The following PSD3 variants were observed in gnomAD, a reference collection of about 807,000 sequenced individuals.
PSD3 encodes the protein PH and SEC7 domain-containing protein 3.
A neutral mutation model predicts 105.5 loss-of-function variants in PSD3; 49 were observed. That is an observed-to-expected ratio of 0.46 (90% CI 0.37 to 0.59). The LOEUF (loss-of-function observed/expected upper bound fraction) is 0.59. Among genes scored for constraint, PSD3 ranks in the 20% least tolerant of loss-of-function variants. The probability of loss-of-function intolerance (pLI) is 0.00; values close to 1 mark genes in which losing one functional copy is unlikely to be tolerated. For synonymous variants in PSD3, 557 were observed against 457.8 expected (o/e 1.22, Z -2.77); for missense variants, 1,561 against 1,263.8 (o/e 1.24, Z -3.57).
rs1258342249 is a variant in PSD3, at chr8:18,549,045, T to A, written c.2928+7164A>T. On this transcript the variant is annotated intron_variant, in intron 15 of 15. Coordinates refer to ENST00000327040, the MANE Select transcript of PSD3 (RefSeq NM_015310.4). ...GACACTCACTCATTACACTCCCACT[T>A]TCCCCAGTGGAAGAAATCACAGGTC... Among the ~76,000 whole-genome samples the A allele has an allele frequency of 2.0e-5, 3 of 152,296 alleles. No homozygotes were observed. In the East Asian group the frequency reaches 5.8e-4, roughly 29 times the overall value.
intron 9 of PSD3, among the ~76,000 whole-genome samples, chr8:18,741,262 C>T (rs1015628757): frequency 1.3e-5 from 2 of 152,068 alleles, no homozygotes; most frequent in Non-Finnish European, 1.5e-5. Context: ...TCACAAGATG[C>T]GATGTCATCT....
chr8:18,969,017 T>C (rs892325586), intron 1 of PSD3, among the ~76,000 whole-genome samples: 4 of 152,120 alleles, frequency 2.6e-5, no homozygotes, highest in African/African-American at 7.2e-5. Flanking sequence ...TATTGAGTTA[T>C]TATAACATCA....
At chr8:18,942,774 G>A (rs1454887053) in intron 1 of PSD3, among the ~76,000 whole-genome samples, 1 of 152,188 alleles carries the variant, frequency 6.6e-6, no homozygotes, top group Non-Finnish European at 1.5e-5. Context: ...AGAACTGTAA[G>A]AAAATTAATT....
At chr8:18,999,379 C>G (rs1035752051) in intron 1 of PSD3, among the ~76,000 whole-genome samples, 1 of 151,718 alleles carries the variant, frequency 6.6e-6, no homozygotes, top group Non-Finnish European at 1.5e-5. Context: ...AAATCAGTAC[C>G]TGGCGCTCAG....
chr8:18,975,320 T>TAAAA (rs1563479172), intron 1 of PSD3, among the ~76,000 whole-genome samples: 9 of 121,334 alleles, frequency 7.4e-5, no homozygotes, highest in Admixed American at 8.5e-5. Context: ...TGAAATTTTT[T>TAAAA]TTTTTTTTTT....
chr8:18,952,279 C>T (rs1823288121), intron 1 of PSD3, among the ~76,000 whole-genome samples: 1 of 152,174 alleles, frequency 6.6e-6, no homozygotes, highest in African/African-American at 2.4e-5. Context: ...TCTATCTTTA[C>T]ATCCATAATT....
intron 9 of PSD3, among the ~76,000 whole-genome samples, chr8:18,667,047 T>C (rs1799509352): frequency 6.6e-6 from 1 of 152,146 alleles, no homozygotes; most frequent in Non-Finnish European, 1.5e-5. Context: ...TCTCGCTGGC[T>C]TCAGGAGTGA....
At chr8:18,742,129 T>C (rs1240243757) in intron 9 of PSD3, among the ~76,000 whole-genome samples, 2 of 152,172 alleles carry the variant, frequency 1.3e-5, no homozygotes, top group East Asian at 1.9e-4. Context: ...GAATCACAAG[T>C]CCAAGAGAAC....
At chr8:18,969,045 C>G (rs1824468679) in intron 1 of PSD3, among the ~76,000 whole-genome samples, 1 of 152,074 alleles carries the variant, frequency 6.6e-6, no homozygotes, top group Non-Finnish European at 1.5e-5. Context: ...AAGTATATAG[C>G]CTTCCAAAGT....
At position 18,970,635 on chromosome 8, in the gene PSD3, G is replaced by A. The variant is rs77856643; in HGVS notation, c.22-34493C>T. 1.5e-3 allele frequency among the ~76,000 whole-genome samples: 233 copies of A among 152,068 alleles called. 1 individual carries two copies. The highest frequency in any genetic ancestry group is 2.6e-3 in the Non-Finnish European group (176 of 67,980). ...AGGTGAAAACATTTAGTCTTTCCTAGAATTGTCCTCTGAAAATCAATCAGT... is the reference window on the plus strand; with the variant it reads ...AGGTGAAAACATTTAGTCTTTCCTAAAATTGTCCTCTGAAAATCAATCAGT... On this transcript the variant is annotated intron_variant, in intron 1 of 15. Transcript: ENST00000327040.
intron 1 of PSD3, among the ~76,000 whole-genome samples, chr8:18,952,751 A>G (rs1586511468): frequency 6.6e-6 from 1 of 152,230 alleles, no homozygotes; most frequent in East Asian, 1.9e-4. Flanking sequence ...GCAATTAAAT[A>G]CACTTTATTC....
chr8:18,857,494 T>C (rs1422670990), intron 4 of PSD3, among the ~76,000 whole-genome samples: 1 of 152,178 alleles, frequency 6.6e-6, no homozygotes, highest in East Asian at 1.9e-4. Context: ...AAGCTATCCA[T>C]GTCCAGGTGC....
intron 4 of PSD3, among the ~76,000 whole-genome samples, chr8:18,846,853 G>T (rs369344919): frequency 6.6e-6 from 1 of 151,974 alleles, no homozygotes; most frequent in East Asian, 1.9e-4. Flanking sequence ...AAATTGTTTG[G>T]CTTGGCCCAA....
intron 1 of PSD3, among the ~76,000 whole-genome samples, chr8:18,966,755 T>C (rs1398210792): frequency 6.6e-6 from 1 of 152,154 alleles, no homozygotes; most frequent in Admixed American, 6.5e-5. Context: ...GCACATCTTC[T>C]TGGGGCTCAA....
chr8:18,787,752 A>G (rs1809316135), intron 8 of PSD3, among the ~76,000 whole-genome samples: 1 of 152,198 alleles, frequency 6.6e-6, no homozygotes, highest in Admixed American at 6.5e-5. Flanking sequence ...GATACATTAA[A>G]TGCCCTTTAG....
At position 18,709,148 on chromosome 8, in the gene PSD3, G is replaced by A. The variant is rs370444665; in HGVS notation, c.2173-53463C>T. Among the ~76,000 whole-genome samples, 162 of 152,234 alleles carry A rather than the reference G, an allele frequency of 1.1e-3. 1 individual carries two copies. Among genetic ancestry groups the A allele is most frequent in the African/African-American group, 3.7e-3 (155 of 41,562 alleles). ...GCTGCCATCACTGTGGCTCCAATTG[G>A]CCGTTTTCTCCTGCTGATGCCAGGG... On this transcript the variant is annotated intron_variant, in intron 9 of 15. Transcript: ENST00000327040.
Position 18,815,239 on chromosome 8 carries a change from T to C in PSD3, c.1635-10341A>G, listed in dbSNP as rs574004742. Among the ~76,000 whole-genome samples, 5 of 152,282 alleles carry C rather than the reference T, an allele frequency of 3.3e-5. No individual in the cohort carries two copies. The South Asian group carries it at 6.2e-4, about 19-fold the overall frequency. ...CAAGAGGCTGAACAAATATTTTCTATGGTTATATAATGTCCAAATTTTACC... is the reference window on the plus strand; with the variant it reads ...CAAGAGGCTGAACAAATATTTTCTACGGTTATATAATGTCCAAATTTTACC... On this transcript the variant is annotated intron_variant, in intron 4 of 15. Transcript: ENST00000327040.
intron 6 of PSD3, among the ~76,000 whole-genome samples, chr8:18,801,823 G>A (rs189323358): frequency 5.9e-4 from 89 of 151,854 alleles, no homozygotes; most frequent in Admixed American, 4.3e-3. Context: ...GTGAGACTCC[G>A]TTTCAAAAGA....
At chr8:18,595,423 G>A (rs1440104442) in intron 12 of PSD3, among the ~76,000 whole-genome samples, 1 of 139,112 alleles carries the variant, frequency 7.2e-6, no homozygotes, top group Non-Finnish European at 1.6e-5. Flanking sequence ...ACAGCTGGGA[G>A]TGTGGTTGAA....
Sources: gnomAD v4.1 joint callset for allele counts (sites outside exome capture counted in the v4.1 genomes callset) on GRCh38, gnomAD v4.1.1 for gene constraint, MANE v1.5 for transcripts, NCBI Gene and HGNC (gene_info 2026-07-23, HGNC 2026-07-21) for gene names.